Variants in EFL1 observed in about 807,000 individuals in gnomAD.
The protein encoded by EFL1 is elongation factor like GTPase 1, also known as elongation factor-like GTPase 1.
A neutral mutation model predicts 126.7 loss-of-function variants in EFL1; 76 were observed. The ratio of observed to expected loss-of-function variants is 0.60; its 90% CI spans 0.50 to 0.73. The LOEUF (loss-of-function observed/expected upper bound fraction) is 0.73. Ranked by LOEUF, EFL1 falls within the 30% of genes least tolerant of loss-of-function variation. The probability of loss-of-function intolerance (pLI) is 0.00; values close to 1 mark genes in which losing one functional copy is unlikely to be tolerated. For missense variants in EFL1, 1,128 were observed against 1,343.2 expected (o/e 0.84, Z 2.50); for synonymous variants, 410 against 448.4 (o/e 0.91, Z 1.08).
intron 15 of EFL1, among the ~76,000 whole-genome samples, chr15:82,192,065 A>G (rs371182626): frequency 5.3e-4 from 81 of 152,276 alleles, no homozygotes; most frequent in African/African-American, 1.9e-3. Context: ...TTTTTAAAAA[A>G]CATCTGCTGA....
chr15:82,255,607 G>A (rs1375248612), intron 3 of EFL1, among the ~76,000 whole-genome samples: 1 of 152,062 alleles, frequency 6.6e-6, no homozygotes, highest in South Asian at 2.1e-4. Context: ...TTTTCTAAAA[G>A]CTTTAGTTTT....
chr15:82,201,265 G>A (rs927557425), intron 15 of EFL1, among the ~76,000 whole-genome samples: 4 of 152,166 alleles, frequency 2.6e-5, no homozygotes, highest in African/African-American at 9.7e-5. Flanking sequence ...TGAAGATTTG[G>A]GAGGCCCAGT....
chr15:82,164,547 C>T (rs1367760307), intron 15 of EFL1, among the ~76,000 whole-genome samples: 2 of 152,160 alleles, frequency 1.3e-5, no homozygotes, highest in African/African-American at 2.4e-5. Context: ...TTGCATGAGA[C>T]TCTGAAGGTT....
At chr15:82,155,574 T>C (rs2073959241) in intron 17 of EFL1, among the ~76,000 whole-genome samples, 1 of 152,216 alleles carries the variant, frequency 6.6e-6, no homozygotes, top group African/African-American at 2.4e-5. Context: ...AGCTTTGTGT[T>C]GTGTATATAC....
intron 14 of EFL1, among the ~76,000 whole-genome samples, chr15:82,215,161 T>G (rs28754625): frequency 0.37 from 56,383 of 152,068 alleles, 11,714 homozygotes; most frequent in African/African-American, 0.56. Flanking sequence ...CACAGTCCCT[T>G]GTTATTTATG....
chr15:82,252,599 C>T (rs2075032464), intron 4 of EFL1, 92 bp downstream of exon 4: 1 of 972,422 alleles, frequency 1.0e-6, no homozygotes, highest in South Asian at 1.4e-5. Context: ...GGAATATAAG[C>T]AAAGAAACTG....
chr15:82,174,195 G>GA (rs11454123), intron 15 of EFL1: 65,691 of 149,062 alleles, frequency 0.44, 16,642 homozygotes, highest in African/African-American at 0.71. Context: ...CTCAAAAAAG[G>GA]AAAAAAAAAA....
intron 3 of EFL1, among the ~76,000 whole-genome samples, chr15:82,256,291 G>A (rs1004483271): frequency 6.6e-6 from 1 of 152,046 alleles, no homozygotes; most frequent in Admixed American, 6.5e-5. Flanking sequence ...CATTTATTAT[G>A]CTATTTAAAT....
chr15:82,173,541 T>C (rs1247948633), intron 15 of EFL1, among the ~76,000 whole-genome samples: 2 of 152,216 alleles, frequency 1.3e-5, no homozygotes, highest in African/African-American at 2.4e-5. Flanking sequence ...TCTGAAATAC[T>C]TTAAAGTTTT....
chr15:82,155,968 T>C (rs891213713), intron 17 of EFL1, among the ~76,000 whole-genome samples: 4 of 152,220 alleles, frequency 2.6e-5, no homozygotes, highest in African/African-American at 7.2e-5. Context: ...ATTGGGGATA[T>C]AAGTCTGTTG....
intron 19 of EFL1, among the ~76,000 whole-genome samples, chr15:82,133,842 G>C (rs2073688714): frequency 6.6e-6 from 1 of 152,184 alleles, no homozygotes; most frequent in African/African-American, 2.4e-5. Context: ...AACAGGCAGA[G>C]AGACTGCAAT....
intron 2 of EFL1, 58 bp downstream of exon 2, chr15:82,261,630 C>A: frequency 1.3e-6 from 2 of 1,494,228 alleles, no homozygotes; most frequent in South Asian, 2.3e-5. Flanking sequence ...TCCACTGAGA[C>A]ATACAGAGAC....
intron 3 of EFL1, 43 bp downstream of exon 3, chr15:82,259,045 C>T (rs1447112454): frequency 6.5e-7 from 1 of 1,537,318 alleles, no homozygotes; most frequent in African/African-American, 1.4e-5. Flanking sequence ...TTGTTGATAG[C>T]TAATACTGAA....
At chr15:82,164,492 C>A (rs547101589) in intron 15 of EFL1, among the ~76,000 whole-genome samples, 2 of 152,262 alleles carry the variant, frequency 1.3e-5, no homozygotes, top group African/African-American at 4.8e-5. Context: ...TCCTAGTCAA[C>A]CCCTTCCCCC....
At chr15:82,170,667 C>T (rs999972849) in intron 15 of EFL1, among the ~76,000 whole-genome samples, 1 of 152,130 alleles carries the variant, frequency 6.6e-6, no homozygotes, top group Non-Finnish European at 1.5e-5. Flanking sequence ...ATTTGTTAAT[C>T]AAATTTAAGA....
chr15:82,164,896 C>CAA (rs1240782656), intron 15 of EFL1, among the ~76,000 whole-genome samples: 83 of 91,588 alleles, frequency 9.1e-4, no homozygotes, highest in African/African-American at 1.3e-3. Flanking sequence ...GATTCCACCT[C>CAA]AAAAAAAAAA....
intron 15 of EFL1, among the ~76,000 whole-genome samples, chr15:82,193,145 T>G (rs946944394): frequency 1.3e-5 from 2 of 152,248 alleles, no homozygotes; most frequent in African/African-American, 4.8e-5. Flanking sequence ...TCAAATTTTG[T>G]ATTTTTTAAA....
chr15:82,137,039 G>T (rs1310053592), intron 19 of EFL1, among the ~76,000 whole-genome samples: 2 of 150,390 alleles, frequency 1.3e-5, no homozygotes, highest in African/African-American at 4.9e-5. Context: ...TTTTTTAAAG[G>T]AAAAGCAGAC....
intron 12 of EFL1, among the ~76,000 whole-genome samples, chr15:82,221,336 C>T (rs2074709888): frequency 6.6e-6 from 1 of 152,146 alleles, no homozygotes. Context: ...CACTGGAAGC[C>T]ATGCAGGTAA....
Sources: gnomAD v4.1 joint callset for allele counts (sites outside exome capture counted in the v4.1 genomes callset) on GRCh38, gnomAD v4.1.1 for gene constraint, MANE v1.5 for transcripts, NCBI Gene and HGNC (gene_info 2026-07-23, HGNC 2026-07-21) for gene names.